Variants in RECQL4 observed in about 807,000 individuals in gnomAD.
The protein encoded by RECQL4 is RecQ like helicase 4, also known as ATP-dependent DNA helicase Q4.
A neutral mutation model predicts 128.6 loss-of-function variants in RECQL4; 158 were observed. That is an observed-to-expected ratio of 1.23 (90% CI 1.08 to 1.40). The LOEUF (loss-of-function observed/expected upper bound fraction) is 1.40. Among genes scored for constraint, RECQL4 ranks in the 40% most tolerant of loss-of-function variants. The pLI is 0.00. For missense variants in RECQL4, 2,293 were observed against 1,649.8 expected, an observed-to-expected ratio of 1.39 and a Z score of -6.75; for synonymous variants, 996 against 678.9, an observed-to-expected ratio of 1.47 and a Z score of -7.26.
At position 144,515,991 on chromosome 8, in the gene RECQL4, C is replaced by T. The variant is rs764389677; in HGVS notation, c.1128G>A (p.Lys376=). Reference sequence around the variant, plus strand: ...TCCTGGCCCGTCGCTGTCTTACCTGCTTGCGGAGGAGCCTGCTACGGAGTG... The same window carrying T: ...TCCTGGCCCGTCGCTGTCTTACCTGTTTGCGGAGGAGCCTGCTACGGAGTG... ...GRALRSRLLR[K]QAWKQKWRKK... Residue 376 remains lysine (K), a synonymous_variant, in exon 5 of 21, where the codon AAG becomes AAA. Transcript: ENST00000617875. The T allele has an allele frequency of 5.0e-6, 8 of 1,609,438 alleles. No homozygotes were observed. The highest frequency in any genetic ancestry group is 6.8e-6 in the Non-Finnish European group (8 of 1,177,222).
chr8:144,515,626 C>A, intron 6 of RECQL4, 138 bp downstream of exon 6: 10 of 1,439,930 alleles, frequency 6.9e-6, no homozygotes, highest in South Asian at 1.3e-5. Context: ...CTGCCACCCT[C>A]CTTCAGGGGA....
rs1362484006 is a variant in RECQL4 at position 144,511,390 on chromosome 8, G to A, written c.*41C>T. On this transcript the variant is annotated 3_prime_UTR_variant, in exon 21 of 21. Transcript: ENST00000617875. ...GTCCTCAGTCACTGCCCTAGCCTCT[G>A]ACAACCCCAGCTCTACCCGACATCC... 4 of 1,601,480 alleles carry A rather than the reference G, an allele frequency of 2.5e-6. No individual in the cohort carries two copies. The highest frequency in any genetic ancestry group is 3.4e-6 in the Non-Finnish European group (4 of 1,170,562).
chr8:144,515,026 C>G lies in RECQL4; in HGVS notation c.1530G>C (p.Leu510=), dbSNP rs372597841. The G allele has an allele frequency of 6.2e-6, 10 of 1,610,386 alleles. No homozygotes were observed. In the African/African-American group the frequency reaches 9.3e-5, roughly 15 times the overall value. ...AGAGCAGCGCTGGGAGCTGGTAGCA[C>G]AGGGACTTGCCGGCACCTGTAGGCA... The part of the protein sequence containing the change: ...LVLPTGAGKS[L]CYQLPALLYS... The change falls in exon 9 of 21, where the codon CTG becomes CTC. Residue 510 remains leucine, a synonymous_variant. Transcript: ENST00000617875.
At position 144,513,394 on chromosome 8, in the gene RECQL4, C is replaced by T. The variant is rs1827626824; in HGVS notation, c.2287G>A (p.Gly763Ser). Reference protein sequence around the residue: ...RRRVQRAFMQGQLRVVVATVA... With the variant: ...RRRVQRAFMQSQLRVVVATVA... ...GTGGCCACCACCACCCGCAACTGGC[C>T]CTGCATGAAGGCTCGCTGTACCCGC... Residue 763 changes from glycine to serine, a missense_variant, in exon 14 of 21, where the codon GGC (glycine) becomes AGC (serine). Transcript: ENST00000617875. The T allele has an allele frequency of 1.2e-6, 2 of 1,608,556 alleles. No homozygotes were observed. Among genetic ancestry groups the T allele is most frequent in the Non-Finnish European group, 1.7e-6 (2 of 1,179,716 alleles).
Position 144,512,466 on chromosome 8 carries a change from T to G in RECQL4, c.2981A>C (p.Asp994Ala), listed in dbSNP as rs1586795277. The G allele has an allele frequency of 6.2e-7, 1 of 1,612,102 alleles. No homozygotes were observed. Among genetic ancestry groups the G allele is most frequent in the Non-Finnish European group, 8.5e-7 (1 of 1,179,638 alleles). Residue 994 changes from aspartate (D) to alanine (A), a missense_variant, in exon 17 of 21, where the codon GAC becomes GCC. Physicochemically the swap from Asp to Ala is moderately radical, Grantham distance 126 (BLOSUM62 -2). Transcript: ENST00000617875. Reference sequence around the variant, plus strand: ...AGAGGCCAGCTCCCAGCCCATGGAGTCCACCAGCTTGACCATGTCAAACTC... The same window carrying G: ...AGAGGCCAGCTCCCAGCCCATGGAGGCCACCAGCTTGACCATGTCAAACTC... ...SVEFDMVKLV[D>A]SMGWELASVR...
chr8:144,514,275 G>C lies in RECQL4; in HGVS notation c.1792C>G (p.Pro598Ala), dbSNP rs1827827255. 2 of 1,612,046 alleles carry C rather than the reference G, an allele frequency of 1.2e-6. No homozygotes were observed. The highest frequency in any genetic ancestry group is 1.7e-6 in the Non-Finnish European group (2 of 1,179,646). ...GGLPPAAQLPPVAFACIDEAH... is the reference protein window; with the variant it reads ...GGLPPAAQLPAVAFACIDEAH... ...TCATCAATGCAGGCAAAAGCAACTG[G>C]AGGCAGCTGTGCGGCTGGAGGGAGG... The change falls in exon 11 of 21, where the codon CCA becomes GCA. Residue 598 changes from proline (P) to alanine (A), a missense_variant. Coordinates refer to ENST00000617875, the MANE Select transcript of RECQL4 (RefSeq NM_004260.4).
rs775600052 is a variant in RECQL4 at position 144,516,449 on chromosome 8, C to T, written c.670G>A (p.Glu224Lys). 1.2e-6 allele frequency: 2 copies of T among 1,608,664 alleles called. No individual in the cohort carries two copies. Among genetic ancestry groups the T allele is most frequent in the Non-Finnish European group, 8.5e-7 (1 of 1,179,770 alleles). The part of the protein sequence containing the change: ...SEESQLLIPG[E>K]SAVLGPGAGS... ...GCACCAGGACCAAGGACAGCCGACT[C>T]ACCAGGGATCAGAAGTTGTGATTCC... The change falls in exon 5 of 21, where the codon GAG (glutamate) becomes AAG (lysine). Residue 224 changes from glutamate (E) to lysine (K), a missense_variant. By Grantham distance (56) the Glu-to-Lys change is moderately conservative (BLOSUM62 1). Transcript: ENST00000617875.
At position 144,513,203 on chromosome 8, in the gene RECQL4, G is replaced by GA. The variant is rs761670075; in HGVS notation, c.2463+14_2463+15insT. 5.8e-6 allele frequency: 9 copies of GA among 1,560,130 alleles called. No homozygotes were observed. In the African/African-American group the frequency reaches 1.2e-4, roughly 21 times the overall value. ...GGGCTCGAGCACTGGCAGTGTGGGG[G>GA]GGGGGGGTGCCAACCTGGGGCTGCA... On this transcript the variant is annotated intron_variant, in intron 14 of 20. Transcript: ENST00000617875.
intron 3 of RECQL4, 89 bp from the exon 4 acceptor site, chr8:144,517,279 C>G: frequency 6.6e-7 from 1 of 1,509,218 alleles, no homozygotes; most frequent in East Asian, 2.5e-5. Flanking sequence ...TGGAGCGAGG[C>G]CCGGCCCTTC....
Position 144,514,993 on chromosome 8 carries a change from C to T in RECQL4, c.1563G>A (p.Arg521=), listed in dbSNP as rs777523912. The change falls in exon 9 of 21, where the codon CGG becomes CGA. Residue 521 remains arginine (R), a synonymous_variant. Coordinates refer to ENST00000617875, the MANE Select transcript of RECQL4 (RefSeq NM_004260.4). The stretch of plus-strand genomic sequence containing the variant: ...CGACCAACGTGAGGCAGGGGCTGCG[C>T]CGGCTGTAGAGCAGCGCTGGGAGCT... ...CYQLPALLYS[R]RSPCLTLVVS... is the part of the protein sequence containing the mutation. The T allele has an allele frequency of 3.1e-6, 5 of 1,611,482 alleles. No individual in the cohort carries two copies. The highest frequency in any genetic ancestry group is 4.2e-6 in the Non-Finnish European group (5 of 1,179,524).
At position 144,514,703 on chromosome 8, in the gene RECQL4, CAG is replaced by C. The variant is rs139872507; in HGVS notation, c.1621-180_1621-179del. 0.012 allele frequency among the ~76,000 whole-genome samples: 1,851 copies of C among 152,314 alleles called. 33 individuals are homozygous for C. The highest frequency in any genetic ancestry group is 0.042 in the African/African-American group (1,748 of 41,558). The stretch of plus-strand genomic sequence containing the variant: ...GGGCCTTGGCCCAGGAGCCCCAGAG[CAG>C]ACAGACTGAAGTAGGGATGGCTCCT... On this transcript the variant is annotated intron_variant, in intron 9 of 20. Coordinates refer to ENST00000617875, the MANE Select transcript of RECQL4 (RefSeq NM_004260.4).
Position 144,512,984 on chromosome 8 carries a change from G to T in RECQL4, c.2618C>A (p.Pro873His). The T allele has an allele frequency of 6.4e-7, 1 of 1,570,540 alleles. No homozygotes were observed. The highest frequency in any genetic ancestry group is 8.6e-7 in the Non-Finnish European group (1 of 1,158,378). Residue 873 changes from proline (P) to histidine (H), a missense_variant, in exon 15 of 21, where the codon CCT becomes CAT. Coordinates refer to ENST00000617875, the MANE Select transcript of RECQL4 (RefSeq NM_004260.4). ...CTCTTGAGGGGGGTACTTGGGCACA[G>T]GCCTCTCCCCACCCACGGCCCCTTC... ...EQEGAVGGER[P>H]VPKYPPQEAE...
rs766889264 is a variant in RECQL4 at position 144,516,234 on chromosome 8, C to T, written c.885G>A (p.Glu295=). ...GTACAGGTTCCCCTGGAGGGTCTTC[C>T]TCAACTGCTACAGCCCCAGCCCCCT... The part of the protein sequence containing the change: ...PSEGAGAVAV[E]EDPPGEPVQA... The change falls in exon 5 of 21, where the codon GAG becomes GAA. Residue 295 remains glutamate, a synonymous_variant. Coordinates refer to ENST00000617875, the MANE Select transcript of RECQL4 (RefSeq NM_004260.4). 4.3e-6 allele frequency: 7 copies of T among 1,613,048 alleles called. No individual in the cohort carries two copies. The highest frequency in any genetic ancestry group is 5.9e-6 in the Non-Finnish European group (7 of 1,179,834).
At position 144,515,071 on chromosome 8, in the gene RECQL4, G is replaced by A. The variant is rs773682937; in HGVS notation, c.1485C>T (p.Gly495=). 55 of 1,605,664 alleles carry A rather than the reference G, an allele frequency of 3.4e-5. No individual in the cohort carries two copies. The South Asian group carries it at 5.7e-4, about 17-fold the overall frequency. Residue 495 remains glycine, a splice_region_variant and synonymous_variant, in exon 9 of 21, where the codon GGC becomes GGT. Coordinates refer to ENST00000617875, the MANE Select transcript of RECQL4 (RefSeq NM_004260.4). ...QERAVMRILS[G]ISTLLVLPTG... ...TAGGCAGCACCAGCAGCGTGGAGAT[G>A]CCTGGATGGGGCGGGAGTCAGCAGC... is the stretch of plus-strand genomic sequence containing the variant.
rs1815312614 is a variant in RECQL4, at chr8:144,517,344, G to A, written c.213+70C>T. 4 of 1,486,746 alleles carry A rather than the reference G, an allele frequency of 2.7e-6. No homozygotes were observed. In the East Asian group the frequency reaches 7.4e-5, roughly 28 times the overall value. 92.1% of individuals were successfully genotyped at this position (1,486,746 alleles called of 1,614,324 possible). A position where few individuals can be genotyped will look rare whatever the true frequency, so the allele number is the denominator to read the frequency against. On this transcript the variant is annotated intron_variant, in intron 3 of 20. Coordinates refer to ENST00000617875, the MANE Select transcript of RECQL4 (RefSeq NM_004260.4). Reference sequence around the variant, plus strand: ...CTGTGCCCCACGGCGGCCTGGCCGCGACTCCGTGGCTCCCGCCACTCCGCC... The same window carrying A: ...CTGTGCCCCACGGCGGCCTGGCCGCAACTCCGTGGCTCCCGCCACTCCGCC...
intron 12 of RECQL4, 29 bp from the exon 13 acceptor site, chr8:144,513,741 G>A (rs775964779): frequency 3.3e-6 from 5 of 1,512,150 alleles, no homozygotes; most frequent in Middle Eastern, 1.7e-4. Context: ...CGTGGGCAGT[G>A]GGGAGTGAGG....
At chr8:144,513,833 G>A in intron 12 of RECQL4, 95 bp downstream of exon 12, 1 of 1,371,110 alleles carries the variant, frequency 7.3e-7, no homozygotes, top group Non-Finnish European at 9.8e-7. Flanking sequence ...TGGGGAGTGA[G>A]AAGGGGTCGG....
chr8:144,514,853 A>T (rs1827919127), intron 9 of RECQL4, 83 bp downstream of exon 9: 12 of 1,513,694 alleles, frequency 7.9e-6, no homozygotes, highest in Non-Finnish European at 9.0e-6. Flanking sequence ...GGGGGTGGTT[A>T]GGGGACAAGC....
intron 6 of RECQL4, 131 bp downstream of exon 6, chr8:144,515,631 AGG>A (rs1828046081): frequency 6.9e-7 from 1 of 1,440,284 alleles, no homozygotes; most frequent in Non-Finnish European, 9.4e-7. Flanking sequence ...ACCCTCCTTC[AGG>A]GGAGCTAGGG....
Sources: allele counts gnomAD v4.1 joint callset (sites outside exome capture counted in the v4.1 genomes callset), GRCh38; gene constraint gnomAD v4.1.1; transcripts MANE v1.5; gene names NCBI Gene and HGNC (gene_info 2026-07-23, HGNC 2026-07-21).